UNC5D: variants seen among roughly 807,000 people sequenced by gnomAD.
UNC5D encodes the protein unc-5 netrin receptor D.
UNC5D carries 39 observed loss-of-function variants against 105.4 expected under a neutral mutation model. That is an observed-to-expected ratio of 0.37 (90% confidence interval 0.29 to 0.48). The LOEUF is 0.48. Among genes scored for constraint, UNC5D ranks in the 20% least tolerant of loss-of-function variants. The pLI is 0.98. For synonymous variants in UNC5D, 452 were observed against 450.4 expected (o/e 1.00, Z -0.04); for missense variants, 991 against 1,202.4 (o/e 0.82, Z 2.60).
intron 1 of UNC5D, among the ~76,000 whole-genome samples, chr8:35,390,116 A>T (rs941216031): frequency 1.3e-5 from 2 of 152,146 alleles, no homozygotes; most frequent in African/African-American, 4.8e-5. Flanking sequence ...CAGGCATGTC[A>T]CATGGCCAGA....
chr8:35,441,682 A>G (rs1585851490), intron 1 of UNC5D, among the ~76,000 whole-genome samples: 1 of 151,972 alleles, frequency 6.6e-6, no homozygotes, highest in South Asian at 2.1e-4. Flanking sequence ...ATTTTGGTAT[A>G]ATGAAACTGA....
rs560823279 is a variant in UNC5D at position 35,652,431 on chromosome 8, C to T, written c.571-31116C>T. The stretch of plus-strand genomic sequence containing the variant: ...AGGATGTACCTACTCTCATTTCATA[C>T]GCATGTACTTCCCAGCCTCCCGTGT... On this transcript the variant is annotated intron_variant, in intron 4 of 16. Transcript: ENST00000404895. Among the ~76,000 whole-genome samples the T allele has an allele frequency of 5.3e-4, 80 of 152,214 alleles. 1 individual carries two copies. Among genetic ancestry groups the T allele is most frequent in the South Asian group, 1.2e-3 (6 of 4,828 alleles).
intron 3 of UNC5D, among the ~76,000 whole-genome samples, chr8:35,589,688 C>G (rs997293760): frequency 1.3e-5 from 2 of 152,120 alleles, no homozygotes; most frequent in Non-Finnish European, 2.9e-5. Flanking sequence ...GGTAACCACT[C>G]ATCTATTTTC....
At chr8:35,432,571 T>G (rs938975496) in intron 1 of UNC5D, among the ~76,000 whole-genome samples, 1 of 152,218 alleles carries the variant, frequency 6.6e-6, no homozygotes. Flanking sequence ...TCACTTGTGT[T>G]AGAACAACTT....
chr8:35,606,195 C>A (rs1455643301), intron 4 of UNC5D, among the ~76,000 whole-genome samples: 2 of 151,970 alleles, frequency 1.3e-5, no homozygotes, highest in Non-Finnish European at 2.9e-5. Context: ...ACCACATTGG[C>A]CAGGCTCATC....
At chr8:35,723,100 C>A (rs1045136931) in intron 9 of UNC5D, among the ~76,000 whole-genome samples, 1 of 152,222 alleles carries the variant, frequency 6.6e-6, no homozygotes, top group East Asian at 1.9e-4. Flanking sequence ...AAAATGAAAC[C>A]GTCTCTTTTC....
In UNC5D at chr8:35,722,251, G is replaced by T. The variant is rs761187033; in HGVS notation, c.1159G>T (p.Gly387Cys). 2 of 1,614,062 alleles carry T rather than the reference G, an allele frequency of 1.2e-6. No homozygotes were observed. The highest frequency in any genetic ancestry group is 3.3e-5 in the Admixed American group (2 of 60,032). Residue 387 changes from glycine to cysteine, a missense_variant, in exon 9 of 17, where the codon GGT (glycine) becomes TGT (cysteine). Physicochemically the swap from Gly to Cys is radical, Grantham distance 159. This residue lies in a region of UNC5D where 944 missense variants were observed against 1,131.6 expected (regional missense o/e 0.83). Transcript: ENST00000404895. ...ASDIALYSGLGAAVVAVAVLV... is the reference protein window; with the variant it reads ...ASDIALYSGLCAAVVAVAVLV... ...CGACATTGCTTTGTACTCGGGCTTG[G>T]GTGCTGCCGTCGTGGCCGTTGCAGT...
chr8:35,304,820 A>T (rs573000559), intron 1 of UNC5D, among the ~76,000 whole-genome samples: 22 of 152,154 alleles, frequency 1.4e-4, no homozygotes, highest in Admixed American at 3.9e-4. Context: ...CAGCATAATT[A>T]TTAAGACTTA....
At chr8:35,456,318 G>A (rs1808493923) in intron 1 of UNC5D, among the ~76,000 whole-genome samples, 1 of 152,178 alleles carries the variant, frequency 6.6e-6, no homozygotes, top group East Asian at 1.9e-4. Flanking sequence ...CAGATTGCTG[G>A]CTCCTACCCC....
intron 4 of UNC5D, among the ~76,000 whole-genome samples, chr8:35,678,746 T>C (rs1003342087): frequency 2.6e-5 from 4 of 152,180 alleles, no homozygotes; most frequent in Admixed American, 6.5e-5. Flanking sequence ...GTCCCATTAT[T>C]TGTCATGTAG....
At chr8:35,777,079 C>A (rs1802283559) in intron 16 of UNC5D, among the ~76,000 whole-genome samples, 2 of 152,216 alleles carry the variant, frequency 1.3e-5, no homozygotes, top group Admixed American at 1.3e-4. Context: ...CATGGTGAAA[C>A]CCTGTCTCTA....
intron 13 of UNC5D, 112 bp downstream of exon 13, chr8:35,750,921 C>A: frequency 7.9e-7 from 1 of 1,262,148 alleles, no homozygotes; most frequent in Non-Finnish European, 1.1e-6. Context: ...TGAACCCACG[C>A]CACTGTAACT....
chr8:35,415,268 G>A (rs867566165), intron 1 of UNC5D, among the ~76,000 whole-genome samples: 7 of 151,994 alleles, frequency 4.6e-5, no homozygotes, highest in Non-Finnish European at 8.8e-5. Flanking sequence ...CTTTATTGTT[G>A]TCTGGATACT....
At chr8:35,502,855 G>A (rs925050381) in intron 1 of UNC5D, among the ~76,000 whole-genome samples, 6 of 152,012 alleles carry the variant, frequency 3.9e-5, no homozygotes, top group South Asian at 4.2e-4. Flanking sequence ...GTGAGCCACC[G>A]CGCCCAGCCT....
intron 4 of UNC5D, among the ~76,000 whole-genome samples, chr8:35,657,080 G>GTGTGTGTATATATA (rs1281641556): frequency 6.4e-5 from 3 of 46,516 alleles, no homozygotes; most frequent in African/African-American, 3.4e-4. Context: ...GTGTGTGTGT[G>GTGTGTGTATATATA]TATATATATA....
At chr8:35,348,406 G>T (rs2950933) in intron 1 of UNC5D, among the ~76,000 whole-genome samples, 145,719 of 151,906 alleles carry the variant, frequency 0.96, 70,212 homozygotes, top group East Asian at 1. Context: ...GTCTGTTGGG[G>T]AGTACAGGAT....
At chr8:35,407,948 T>C (rs1804913303) in intron 1 of UNC5D, among the ~76,000 whole-genome samples, 1 of 152,036 alleles carries the variant, frequency 6.6e-6, no homozygotes, top group Non-Finnish European at 1.5e-5. Flanking sequence ...CACATTTTCT[T>C]CATCCAGAGC....
In UNC5D at chr8:35,557,246, T is replaced by G. The variant is rs150523302; in HGVS notation, c.322+7736T>G. Among the ~76,000 whole-genome samples the G allele has an allele frequency of 6.4e-3, 968 of 152,322 alleles. 9 individuals carry two copies. The highest frequency in any genetic ancestry group is 0.022 in the African/African-American group (930 of 41,566). Reference sequence around the variant, plus strand: ...ACCTCTGAGCTGATTAATTCTAATCTCTTGTGTGGAAGAAACTGGAGAGCT... The same window carrying G: ...ACCTCTGAGCTGATTAATTCTAATCGCTTGTGTGGAAGAAACTGGAGAGCT... On this transcript the variant is annotated intron_variant, in intron 2 of 16. Transcript: ENST00000404895.
intron 11 of UNC5D, among the ~76,000 whole-genome samples, chr8:35,734,906 C>T (rs576744242): frequency 6.6e-6 from 1 of 151,686 alleles, no homozygotes; most frequent in South Asian, 2.1e-4. Flanking sequence ...GCCTCAGCCT[C>T]CCGAGTAGCT....
Sources: allele counts gnomAD v4.1 joint callset (sites outside exome capture counted in the v4.1 genomes callset), GRCh38; gene constraint gnomAD v4.1.1; regional missense constraint gnomAD v4.1.1; transcripts MANE v1.5; gene names NCBI Gene and HGNC (gene_info 2026-07-23, HGNC 2026-07-21).